IDO2: variants seen among roughly 807,000 people sequenced by gnomAD.
IDO2 encodes indoleamine 2,3-dioxygenase-like 1 protein.
A neutral mutation model predicts 45.1 loss-of-function variants in IDO2; 46 were observed. That is an observed-to-expected ratio of 1.02 (90% CI 0.80 to 1.30). The LOEUF (loss-of-function observed/expected upper bound fraction) is 1.30. Ranked by LOEUF, IDO2 falls within the 50% of genes most tolerant of loss-of-function variation. The pLI is 0.00. For synonymous variants in IDO2, 218 were observed against 184.9 expected (o/e 1.18, Z -1.45); for missense variants, 544 against 491.8 (o/e 1.11, Z -1.00).
intron 2 of IDO2, among the ~76,000 whole-genome samples, chr8:39,954,649 CTTTTTTTTTTTTTTTT>C (rs542016899): frequency 1.2e-5 from 1 of 84,714 alleles, no homozygotes; most frequent in African/African-American, 4.6e-5. Context: ...GTCTCTCTCT[CTTTTTTTTTTTTTTTT>C]TTTTTTTTGA....
rs1563445103 is a variant in IDO2, at chr8:40,015,572, CT to C, written c.1196del (p.Leu399TrpfsTer79). On this transcript the variant is annotated frameshift_variant, in exon 11 of 11. Coordinates refer to ENST00000502986, the Ensembl canonical transcript of IDO2. LOFTEE classifies it high-confidence loss of function. ...TTCTTAAGAGTGTCAGGGATAAGACCTTGGAGTCAATCCTTCACCCACGTGG... is the reference window on the plus strand; with the variant it reads ...TTCTTAAGAGTGTCAGGGATAAGACCTGGAGTCAATCCTTCACCCACGTGG... 1 of 1,613,228 alleles carries C rather than the reference CT, an allele frequency of 6.2e-7. No individual in the cohort carries two copies. Among genetic ancestry groups the C allele is most frequent in the Non-Finnish European group, 8.5e-7 (1 of 1,179,490 alleles).
chr8:39,953,262 T>C (rs1807837886), intron 2 of IDO2, among the ~76,000 whole-genome samples: 2 of 152,194 alleles, frequency 1.3e-5, no homozygotes, highest in South Asian at 2.1e-4. Context: ...TGAAGAGTTT[T>C]CCTCAAAGAA....
chr8:39,939,502 G>T (rs575866230), intron 1 of IDO2, among the ~76,000 whole-genome samples: 64 of 123,828 alleles, frequency 5.2e-4, no homozygotes, highest in African/African-American at 1.9e-3. Flanking sequence ...AGCCGATATC[G>T]CACCACTGTA....
rs190411706 is a variant in IDO2, at chr8:39,965,071, C to T, written c.195+1368C>T. ...TACCAGGCTTTATTTGATTTAACTG[C>T]CATAAAGGAAGAGAAGGACTTGTTA... On this transcript the variant is annotated intron_variant, in intron 3 of 10. Transcript: ENST00000502986. 7.2e-5 allele frequency among the ~76,000 whole-genome samples: 11 copies of T among 152,310 alleles called. No individual in the cohort carries two copies. The East Asian group carries it at 1.4e-3, about 19-fold the overall frequency.
At chr8:39,970,310 G>C (rs547909601) in intron 3 of IDO2, among the ~76,000 whole-genome samples, 2 of 152,238 alleles carry the variant, frequency 1.3e-5, no homozygotes, top group Non-Finnish European at 2.9e-5. Flanking sequence ...AGTGCTGATG[G>C]AGAAGCTGCA....
chr8:39,979,144 C>A, exon 4 of IDO2: 2 of 1,602,166 alleles, frequency 1.2e-6, no homozygotes, highest in East Asian at 2.2e-5. Context: ...GCTTCCTCAC[C>A]ATGGGTTATG....
intron 6 of IDO2, chr8:39,986,950 C>T (rs1808435779): frequency 6.6e-6 from 1 of 151,852 alleles, no homozygotes; most frequent in Non-Finnish European, 1.5e-5. Flanking sequence ...TCTCGGCTCT[C>T]TGCAACCTCT....
At chr8:39,934,700 C>G (rs1371373047) in exon 1 of IDO2, 1 of 186,772 alleles carries the variant, frequency 5.4e-6, no homozygotes, top group Non-Finnish European at 1.1e-5. Context: ...AGGGCCCAAG[C>G]TTTTAAAAAC....
intron 2 of IDO2, among the ~76,000 whole-genome samples, chr8:39,960,925 G>A (rs1807985049): frequency 6.6e-6 from 1 of 151,994 alleles, no homozygotes; most frequent in Admixed American, 6.5e-5. Flanking sequence ...TGGGACTACA[G>A]GTGCCCGCCA....
chr8:40,011,917 C>T (rs1045446131), intron 9 of IDO2, among the ~76,000 whole-genome samples: 1 of 152,198 alleles, frequency 6.6e-6, no homozygotes, highest in East Asian at 1.9e-4. Context: ...CCTCTCCTTT[C>T]CTCTTCCCAC....
At chr8:39,961,628 G>A (rs1157672566) in intron 2 of IDO2, among the ~76,000 whole-genome samples, 1 of 151,944 alleles carries the variant, frequency 6.6e-6, no homozygotes, top group Non-Finnish European at 1.5e-5. Flanking sequence ...AGCCCCAATT[G>A]TATGTTTCTA....
At chr8:39,967,524 T>C (rs562382922) in intron 3 of IDO2, among the ~76,000 whole-genome samples, 1 of 152,270 alleles carries the variant, frequency 6.6e-6, no homozygotes, top group South Asian at 2.1e-4. Context: ...GTTTCACTCT[T>C]GTTGCCCAGG....
At chr8:39,951,614 T>C (rs1307652479) in intron 2 of IDO2, among the ~76,000 whole-genome samples, 4 of 152,204 alleles carry the variant, frequency 2.6e-5, no homozygotes, top group Non-Finnish European at 5.9e-5. Context: ...CTATGGAGAA[T>C]GAATGTGAAA....
At chr8:39,960,471 C>G (rs1807975313) in intron 2 of IDO2, among the ~76,000 whole-genome samples, 1 of 152,172 alleles carries the variant, frequency 6.6e-6, no homozygotes, top group Non-Finnish European at 1.5e-5. Context: ...CAACTATAAA[C>G]TGCTCAAGCT....
Position 39,940,572 on chromosome 8 carries a change from G to T in IDO2, c.-18+5354G>T, listed in dbSNP as rs183392357. ...TTGAGATGTATCTTAAAAGATAAGT[G>T]GGGTTCCTGTTGGAAACATTCAAAA... On this transcript the variant is annotated intron_variant, in intron 1 of 10. Transcript: ENST00000502986. 2.0e-3 allele frequency among the ~76,000 whole-genome samples: 308 copies of T among 152,200 alleles called. 3 individuals carry two copies. The highest frequency in any genetic ancestry group is 6.9e-3 in the African/African-American group (288 of 41,524).
chr8:39,952,881 G>A (rs1396644656), intron 2 of IDO2, among the ~76,000 whole-genome samples: 1 of 151,982 alleles, frequency 6.6e-6, no homozygotes, highest in African/African-American at 2.4e-5. Flanking sequence ...CGATTCTCCT[G>A]CCTCAGCCTC....
At chr8:39,981,466 T>G (rs1479059896) in intron 4 of IDO2, among the ~76,000 whole-genome samples, 1 of 151,998 alleles carries the variant, frequency 6.6e-6, no homozygotes, top group South Asian at 2.1e-4. Flanking sequence ...TAAATTGGGG[T>G]TTGGGGGAGA....
At chr8:39,968,002 C>G (rs950726917) in intron 3 of IDO2, among the ~76,000 whole-genome samples, 1 of 148,122 alleles carries the variant, frequency 6.8e-6, no homozygotes, top group Admixed American at 6.8e-5. Flanking sequence ...AGCATTTATC[C>G]AAGTAAATGG....
intron 8 of IDO2, among the ~76,000 whole-genome samples, chr8:40,002,342 A>T (rs1209801624): frequency 6.6e-6 from 1 of 152,040 alleles, no homozygotes; most frequent in Non-Finnish European, 1.5e-5. Context: ...TCCTGCAACG[A>T]TATCATCTGC....
Sources: allele counts gnomAD v4.1 joint callset (sites outside exome capture counted in the v4.1 genomes callset), GRCh38; gene constraint gnomAD v4.1.1; transcripts MANE v1.5; gene names NCBI Gene and HGNC (gene_info 2026-07-23, HGNC 2026-07-21).